Variants in RGS22 observed in about 807,000 individuals in gnomAD.
RGS22 encodes regulator of G-protein signaling 22.
A neutral mutation model predicts 172.9 loss-of-function variants in RGS22; 148 were observed. That is an observed-to-expected ratio of 0.86 (90% CI 0.75 to 0.98). The LOEUF (loss-of-function observed/expected upper bound fraction) is 0.98. Ranked by LOEUF, RGS22 falls within the 50% of genes least tolerant of loss-of-function variation. RGS22 has a pLI of 0.00. For missense variants in RGS22, 1,347 were observed against 1,440.8 expected (o/e 0.93, Z 1.05); for synonymous variants, 458 against 480.2 (o/e 0.95, Z 0.60).
chr8:99,962,607 C>A, intron 26 of RGS22, 80 bp downstream of exon 26: 2 of 1,458,148 alleles, frequency 1.4e-6, no homozygotes, highest in Non-Finnish European at 1.9e-6. Flanking sequence ...CCTCCCTGTA[C>A]ATTCTGAATG....
At chr8:100,051,306 T>C (rs769418936) in intron 10 of RGS22, among the ~76,000 whole-genome samples, 1 of 149,998 alleles carries the variant, frequency 6.7e-6, no homozygotes, top group Non-Finnish European at 1.5e-5. Context: ...CTTATACAAC[T>C]GTGTAAAGAC....
chr8:99,986,478 T>G (rs1398393451), intron 21 of RGS22, among the ~76,000 whole-genome samples: 1 of 152,206 alleles, frequency 6.6e-6, no homozygotes, highest in Non-Finnish European at 1.5e-5. Context: ...TGGGATGGAA[T>G]AGACTGCTTG....
chr8:99,982,755 TC>T (rs1322427618), intron 21 of RGS22, among the ~76,000 whole-genome samples: 2 of 152,234 alleles, frequency 1.3e-5, no homozygotes, highest in Non-Finnish European at 2.9e-5. Flanking sequence ...TATTGTATTA[TC>T]CTCTTTATAG....
intron 1 of RGS22, 53 bp from the exon 2 acceptor site, chr8:100,105,455 G>C: frequency 6.8e-7 from 1 of 1,470,252 alleles, no homozygotes; most frequent in Non-Finnish European, 9.5e-7. Flanking sequence ...TTTCCTTTGA[G>C]TAAATGAAAT....
intron 6 of RGS22, among the ~76,000 whole-genome samples, chr8:100,066,949 C>T (rs1463442846): frequency 1.3e-5 from 2 of 152,134 alleles, no homozygotes; most frequent in Non-Finnish European, 2.9e-5. Context: ...TGAAGTTGAT[C>T]CTTAGCTTCT....
chr8:99,963,614 T>A (rs1367115649), intron 24 of RGS22, among the ~76,000 whole-genome samples: 1 of 152,144 alleles, frequency 6.6e-6, no homozygotes, highest in Non-Finnish European at 1.5e-5. Flanking sequence ...AAAATATTTT[T>A]AAAAATCAAC....
At chr8:99,962,550 C>T in intron 26 of RGS22, 107 bp from the exon 27 acceptor site, 1 of 1,442,160 alleles carries the variant, frequency 6.9e-7, no homozygotes, top group East Asian at 2.3e-5. Flanking sequence ...AGAAATTCTC[C>T]TAAGTTGGGG....
chr8:99,997,976 C>G (rs926413455), intron 19 of RGS22, among the ~76,000 whole-genome samples: 1 of 152,110 alleles, frequency 6.6e-6, no homozygotes, highest in Non-Finnish European at 1.5e-5. Context: ...ATGGGATTAT[C>G]TTCTATACAT....
At chr8:100,091,589 AT>A (rs902684359) in intron 3 of RGS22, among the ~76,000 whole-genome samples, 4 of 152,286 alleles carry the variant, frequency 2.6e-5, no homozygotes, top group South Asian at 2.1e-4. Context: ...CTTAAAATAG[AT>A]TTTTTTAAAA....
At position 99,987,634 on chromosome 8, in the gene RGS22, G is replaced by T. The variant is rs945865437; in HGVS notation, c.3019-15C>A. The T allele has an allele frequency of 1.3e-6, 2 of 1,513,494 alleles. No individual in the cohort carries two copies. The highest frequency in any genetic ancestry group is 1.8e-6 in the Non-Finnish European group (2 of 1,128,078). The allele number at this position is 1,513,494 out of a possible 1,614,324, so 93.8% of individuals were successfully genotyped here. On this transcript the variant is annotated splice_polypyrimidine_tract_variant and intron_variant, in intron 20 of 27. Transcript: ENST00000360863. ...CTCTCCACAGGCTGTCCAAAGCAGA[G>T]AATATAGGAAATTAGCTCATTAATT...
intron 11 of RGS22, 42 bp from the exon 12 acceptor site, chr8:100,041,958 C>A (rs1417368685): frequency 7.7e-7 from 1 of 1,303,944 alleles, no homozygotes; most frequent in Admixed American, 1.8e-5. Context: ...AGAATGAGAA[C>A]TAACTGATCA....
At chr8:100,016,271 A>G (rs1816937696) in intron 14 of RGS22, among the ~76,000 whole-genome samples, 1 of 152,184 alleles carries the variant, frequency 6.6e-6, no homozygotes, top group Admixed American at 6.5e-5. Flanking sequence ...CGCTTCATAG[A>G]CTTCCCTGTT....
At chr8:100,017,036 C>T (rs1270749877) in intron 14 of RGS22, among the ~76,000 whole-genome samples, 1 of 124,988 alleles carries the variant, frequency 8.0e-6, no homozygotes, top group East Asian at 2.6e-4. Flanking sequence ...CTTGCTCTGT[C>T]ACCCACGCTG....
chr8:99,999,149 C>T (rs1814707072), intron 19 of RGS22, 113 bp downstream of exon 19: 2 of 873,100 alleles, frequency 2.3e-6, no homozygotes, highest in Non-Finnish European at 1.7e-6. Context: ...ACAGAGAGAG[C>T]CCATTCCTTA....
intron 11 of RGS22, among the ~76,000 whole-genome samples, chr8:100,043,524 C>A (rs1211479167): frequency 2.6e-5 from 4 of 152,048 alleles, no homozygotes; most frequent in Non-Finnish European, 5.9e-5. Context: ...CGCCTATAAT[C>A]CCAGCACTTG....
At chr8:99,998,468 G>C (rs1814628735) in intron 19 of RGS22, among the ~76,000 whole-genome samples, 1 of 152,126 alleles carries the variant, frequency 6.6e-6, no homozygotes, top group Admixed American at 6.5e-5. Flanking sequence ...CAACTCAGAG[G>C]CTGAGGCAGG....
At chr8:99,981,143 C>T (rs1302786697) in intron 22 of RGS22, among the ~76,000 whole-genome samples, 2 of 152,068 alleles carry the variant, frequency 1.3e-5, no homozygotes, top group African/African-American at 4.8e-5. Flanking sequence ...ATTTATTTTT[C>T]TTAATCATTT....
chr8:100,036,141 AG>A (rs1819443273), intron 14 of RGS22, among the ~76,000 whole-genome samples: 1 of 151,770 alleles, frequency 6.6e-6, no homozygotes, highest in South Asian at 2.1e-4. Flanking sequence ...TTGAAATAAA[AG>A]AAAAATCTCC....
At chr8:100,056,965 C>T (rs898568774) in intron 9 of RGS22, among the ~76,000 whole-genome samples, 2 of 152,214 alleles carry the variant, frequency 1.3e-5, no homozygotes, top group African/African-American at 4.8e-5. Context: ...AAGACGCAGA[C>T]ACTCAATGCC....
Sources: allele counts gnomAD v4.1 joint callset (sites outside exome capture counted in the v4.1 genomes callset), GRCh38; gene constraint gnomAD v4.1.1; transcripts MANE v1.5; gene names NCBI Gene and HGNC (gene_info 2026-07-23, HGNC 2026-07-21).